Variants in MGST2 observed in about 807,000 individuals in gnomAD.
MGST2 encodes the protein glutathione peroxidase MGST2.
In MGST2, 9 loss-of-function variants were observed where a neutral mutation model predicts 16.6. The observed-to-expected ratio is 0.54, with a 90% CI of 0.33 to 0.95. The LOEUF (loss-of-function observed/expected upper bound fraction) is 0.95. Ranked by LOEUF, MGST2 falls within the 40% of genes least tolerant of loss-of-function variation. MGST2 has a pLI of 0.03. For synonymous variants in MGST2, 79 were observed against 68.0 expected, an observed-to-expected ratio of 1.16 and a Z score of -0.79; for missense variants, 159 against 175.1, an observed-to-expected ratio of 0.91 and a Z score of 0.52.
chr4:139,708,538 T>A (rs573019091), downstream of MGST2, among the ~76,000 whole-genome samples: 72 of 152,298 alleles, frequency 4.7e-4, no homozygotes, highest in African/African-American at 1.7e-3. Flanking sequence ...ATTGACTTGG[T>A]GATGTGGGCT....
At chr4:139,720,119 A>C (rs750205662) in intron 5 of MGST2, 7 of 1,614,044 alleles carry the variant, frequency 4.3e-6, no homozygotes, top group South Asian at 1.1e-5. Flanking sequence ...GCCTGTGCTC[A>C]TATTGTACAT....
At chr4:139,719,365 G>A (rs748606151) in intron 5 of MGST2, 39 of 1,608,542 alleles carry the variant, frequency 2.4e-5, no homozygotes, top group Non-Finnish European at 2.7e-5. Flanking sequence ...GCATCCACTC[G>A]TCCCCTGGCC....
rs117993646 is a variant in MGST2 at position 139,712,612 on chromosome 4, G to C, written c.*48+8416G>C. Among the ~76,000 whole-genome samples, 2,248 of 152,310 alleles carry C rather than the reference G, an allele frequency of 0.015. 114 individuals are homozygous for C. The East Asian group carries it at 0.18, about 12-fold the overall frequency. On this transcript the variant is annotated intron_variant, in intron 5 of 5. Transcript: ENST00000616265. ...AAAAGCCGAGCCCTGCCATGGGTTT[G>C]TACCCTGAAATACCTATGAGTTAGG... is the stretch of plus-strand genomic sequence containing the variant.
At chr4:139,679,343 G>A (rs1002684340) in intron 2 of MGST2, among the ~76,000 whole-genome samples, 7 of 152,184 alleles carry the variant, frequency 4.6e-5, no homozygotes, top group African/African-American at 1.7e-4. Flanking sequence ...ATGTTTACAA[G>A]TGAGATTGGC....
intron 5 of MGST2, among the ~76,000 whole-genome samples, chr4:139,739,110 G>A (rs1729064847): frequency 6.6e-6 from 1 of 152,178 alleles, no homozygotes; most frequent in Admixed American, 6.5e-5. Flanking sequence ...CAGATTTACT[G>A]AACTCAACTG....
At chr4:139,691,379 A>T (rs1726570580) in intron 2 of MGST2, among the ~76,000 whole-genome samples, 2 of 152,248 alleles carry the variant, frequency 1.3e-5, no homozygotes, top group South Asian at 4.1e-4. Flanking sequence ...GTAATTAGCC[A>T]CTGACAGGAT....
intron 2 of MGST2, among the ~76,000 whole-genome samples, chr4:139,681,044 G>A (rs562381566): frequency 6.6e-6 from 1 of 152,098 alleles, no homozygotes; most frequent in African/African-American, 2.4e-5. Context: ...TTTGAGACAG[G>A]GTCTCAGTGT....
intron 1 of MGST2, 60 bp from the exon 2 acceptor site, chr4:139,678,483 A>G (rs1003371396): frequency 1.5e-5 from 19 of 1,254,600 alleles, no homozygotes; most frequent in Non-Finnish European, 1.9e-5. Context: ...TTAAATTTGC[A>G]TTCCACTAAT....
chr4:139,695,093 A>G (rs1726840162), intron 2 of MGST2, 104 bp from the exon 3 acceptor site: 1 of 786,508 alleles, frequency 1.3e-6, no homozygotes, highest in Non-Finnish European at 2.2e-6. Flanking sequence ...GTAAGTTCTT[A>G]TATTTTGTTA....
chr4:139,743,290 C>G (rs13130086), downstream of MGST2, among the ~76,000 whole-genome samples: 92,460 of 152,014 alleles, frequency 0.61, 29,057 homozygotes, highest in Non-Finnish European at 0.7. Flanking sequence ...TGGAGTAGGA[C>G]AGGGAGATCT....
chr4:139,747,084 G>A, the MGST2 span, among the ~76,000 whole-genome samples: 1 of 152,182 alleles, frequency 6.6e-6, no homozygotes, highest in Non-Finnish European at 1.5e-5. Flanking sequence ...TTGTGCTCTG[G>A]GAAAAGCAAA....
intron 1 of MGST2, 39 bp from the exon 2 acceptor site, chr4:139,678,504 G>T (rs778004940): frequency 1.4e-6 from 2 of 1,466,460 alleles, no homozygotes; most frequent in African/African-American, 2.8e-5. Context: ...GACTAATGAC[G>T]TGCCCCATCT....
chr4:139,732,676 G>C (rs1314756992), intron 5 of MGST2, among the ~76,000 whole-genome samples: 1 of 151,706 alleles, frequency 6.6e-6, no homozygotes, highest in East Asian at 1.9e-4. Flanking sequence ...GGTACAGGTG[G>C]TATTTGGTTA....
chr4:139,746,829 G>C, the MGST2 span, among the ~76,000 whole-genome samples: 2 of 152,226 alleles, frequency 1.3e-5, no homozygotes, highest in Non-Finnish European at 1.5e-5. Flanking sequence ...AAGTAGAAGA[G>C]AGACGGATTG....
chr4:139,753,458 G>A, the MGST2 span, among the ~76,000 whole-genome samples: 11 of 152,122 alleles, frequency 7.2e-5, no homozygotes, highest in East Asian at 2.1e-3. Context: ...TGATTAATAT[G>A]CATGATGGAG....
chr4:139,723,915 CTG>C (rs1267876957), intron 5 of MGST2, among the ~76,000 whole-genome samples: 2 of 152,334 alleles, frequency 1.3e-5, no homozygotes, highest in African/African-American at 4.8e-5. Flanking sequence ...ATCAGAAACA[CTG>C]TGTATGTTTT....
downstream of MGST2, among the ~76,000 whole-genome samples, chr4:139,742,327 T>G (rs181578407): frequency 2.0e-5 from 3 of 152,238 alleles, no homozygotes; most frequent in Admixed American, 2.0e-4. Context: ...TTTTGTATTT[T>G]TAGTAGAGGC....
Position 139,700,265 on chromosome 4 carries a change from G to A in MGST2, c.230-3190G>A, listed in dbSNP as rs1294142007. 3.3e-5 allele frequency among the ~76,000 whole-genome samples: 5 copies of A among 151,346 alleles called. No homozygotes were observed. The South Asian group carries it at 6.3e-4, about 19-fold the overall frequency. ...TCCTGCCTCAGCCTCCGGAGTAGCT[G>A]GGACTATAGGTGCCTGCCACCACGC... is the stretch of plus-strand genomic sequence containing the variant. On this transcript the variant is annotated intron_variant, in intron 3 of 4. Coordinates refer to ENST00000265498, the MANE Select transcript of MGST2 (RefSeq NM_002413.5).
At chr4:139,690,834 T>C (rs1017664429) in intron 2 of MGST2, among the ~76,000 whole-genome samples, 15 of 152,322 alleles carry the variant, frequency 9.8e-5, no homozygotes, top group Admixed American at 9.8e-4. Flanking sequence ...CCATCCTTAC[T>C]GCTCCTGGTT....
Sources: allele counts gnomAD v4.1 joint callset (sites outside exome capture counted in the v4.1 genomes callset), GRCh38; gene constraint gnomAD v4.1.1; transcripts MANE v1.5; gene names NCBI Gene and HGNC (gene_info 2026-07-23, HGNC 2026-07-21).